The following RAB30 variants were observed in gnomAD, a reference collection of about 807,000 sequenced individuals.
RAB30 encodes the protein RAB30, member RAS oncogene family.
A neutral mutation model predicts 25.1 loss-of-function variants in RAB30; 9 were observed. The observed-to-expected ratio is 0.36, with a 90% CI of 0.22 to 0.63. The LOEUF is 0.63. Ranked by LOEUF, RAB30 falls within the 20% of genes least tolerant of loss-of-function variation. RAB30 has a pLI of 0.69. For synonymous variants in RAB30, 77 were observed against 86.4 expected, an observed-to-expected ratio of 0.89 and a Z score of 0.60; for missense variants, 140 against 243.5, an observed-to-expected ratio of 0.58 and a Z score of 2.83.
chr11:83,058,651 A>G (rs1429487784), intron 1 of RAB30, among the ~76,000 whole-genome samples: 1 of 152,242 alleles, frequency 6.6e-6, no homozygotes, highest in African/African-American at 2.4e-5. Context: ...TTGATCACTT[A>G]AAGTGGTGTC....
intron 1 of RAB30, chr11:83,035,349 A>G (rs1857964850): frequency 6.6e-6 from 1 of 152,066 alleles, no homozygotes; most frequent in African/African-American, 2.4e-5. Context: ...CCTCCCAGCA[A>G]TCTTCAGTGG....
At chr11:83,028,010 T>C (rs758981341) in intron 1 of RAB30, among the ~76,000 whole-genome samples, 12 of 152,184 alleles carry the variant, frequency 7.9e-5, no homozygotes, top group Admixed American at 3.3e-4. Context: ...GATCACATTT[T>C]AGAGTGACAT....
At chr11:83,020,838 G>C (rs1049948695) in intron 1 of RAB30, among the ~76,000 whole-genome samples, 2 of 152,016 alleles carry the variant, frequency 1.3e-5, no homozygotes, top group East Asian at 1.9e-4. Flanking sequence ...TTGTAGAGTG[G>C]AGCCACTCAC....
At chr11:83,024,171 C>T (rs571916567) in intron 1 of RAB30, among the ~76,000 whole-genome samples, 6 of 152,278 alleles carry the variant, frequency 3.9e-5, no homozygotes, top group East Asian at 1.9e-4. Flanking sequence ...GAAAGGTTAG[C>T]GTTAAGTTTA....
chr11:83,065,482 A>T lies in RAB30; in HGVS notation c.-9+6209T>A, dbSNP rs570531338. 5.3e-5 allele frequency among the ~76,000 whole-genome samples: 8 copies of T among 152,256 alleles called. No individual in the cohort carries two copies. The East Asian group carries it at 1.4e-3, about 26-fold the overall frequency. ...CCCTATGTTGCCCAGGGTGGTCTTGAACTCCTGGGCTCAAGTAATCTTCCT... is the reference window on the plus strand; with the variant it reads ...CCCTATGTTGCCCAGGGTGGTCTTGTACTCCTGGGCTCAAGTAATCTTCCT... On this transcript the variant is annotated intron_variant, in intron 1 of 4. Transcript: ENST00000527633.
At chr11:83,064,814 C>T (rs576058842) in intron 1 of RAB30, among the ~76,000 whole-genome samples, 4 of 152,306 alleles carry the variant, frequency 2.6e-5, no homozygotes, top group African/African-American at 9.6e-5. Context: ...AGAAAACTAA[C>T]ATTGTTACTG....
intron 1 of RAB30, among the ~76,000 whole-genome samples, chr11:82,998,292 C>T (rs17144484): frequency 0.035 from 5,385 of 152,120 alleles, 339 homozygotes; most frequent in African/African-American, 0.12. Context: ...TCTCCAACTG[C>T]GCTAGAAAGA....
intron 1 of RAB30, among the ~76,000 whole-genome samples, chr11:83,021,232 G>A (rs1297004019): frequency 6.6e-6 from 1 of 152,248 alleles, no homozygotes; most frequent in Non-Finnish European, 1.5e-5. Flanking sequence ...GAGACTCACT[G>A]AATGGTGAGG....
At chr11:82,992,180 C>T in intron 3 of RAB30, 1 of 377,944 alleles carries the variant, frequency 2.6e-6, no homozygotes, top group South Asian at 2.0e-5. Context: ...CAGAAAGCTA[C>T]AAAAGGCTCC....
chr11:83,025,042 T>C (rs994524015), intron 1 of RAB30, among the ~76,000 whole-genome samples: 1 of 152,230 alleles, frequency 6.6e-6, no homozygotes, highest in African/African-American at 2.4e-5. Flanking sequence ...TCTTTTCCCC[T>C]GGAGGAAGAT....
intron 1 of RAB30, among the ~76,000 whole-genome samples, chr11:83,067,007 T>C (rs1284864974): frequency 6.6e-6 from 1 of 152,194 alleles, no homozygotes; most frequent in East Asian, 1.9e-4. Context: ...TTAGAGTCCC[T>C]AATTTGTGTG....
intron 1 of RAB30, among the ~76,000 whole-genome samples, chr11:83,035,864 T>A (rs943490218): frequency 6.6e-6 from 1 of 152,116 alleles, no homozygotes; most frequent in Non-Finnish European, 1.5e-5. Flanking sequence ...GTCACAGGCA[T>A]CTTATGGATC....
intron 1 of RAB30, among the ~76,000 whole-genome samples, chr11:83,023,876 G>A (rs1857645019): frequency 6.6e-6 from 1 of 152,084 alleles, no homozygotes; most frequent in African/African-American, 2.4e-5. Flanking sequence ...CTCTCCTTCT[G>A]AAAGCTTTCT....
intron 1 of RAB30, among the ~76,000 whole-genome samples, chr11:83,059,919 G>A (rs897450006): frequency 1.5e-4 from 23 of 152,076 alleles, no homozygotes; most frequent in African/African-American, 5.1e-4. Flanking sequence ...AGCGGGGGCG[G>A]GGTGGTTGGG....
chr11:83,021,068 T>C (rs1376330846), intron 1 of RAB30, among the ~76,000 whole-genome samples: 2 of 152,178 alleles, frequency 1.3e-5, no homozygotes, highest in African/African-American at 4.8e-5. Context: ...CGCTAGGAGT[T>C]AAACACTCAT....
chr11:83,043,964 G>A (rs1237147500), intron 1 of RAB30, among the ~76,000 whole-genome samples: 2 of 152,132 alleles, frequency 1.3e-5, no homozygotes, highest in Non-Finnish European at 2.9e-5. Context: ...ATAGTTAAAT[G>A]AAAGACTCAT....
At chr11:83,020,438 C>T (rs986873458) in intron 1 of RAB30, among the ~76,000 whole-genome samples, 3 of 152,246 alleles carry the variant, frequency 2.0e-5, no homozygotes, top group Non-Finnish European at 4.4e-5. Flanking sequence ...GGGAAAAAGC[C>T]AAGGTGGGGG....
chr11:82,975,070 A>G lies in RAB30; in HGVS notation c.*7095T>C, dbSNP rs1856520950. 1 of 151,764 alleles carries G rather than the reference A, an allele frequency of 6.6e-6. No individual in the cohort carries two copies. Among genetic ancestry groups the G allele is most frequent in the Non-Finnish European group, 1.5e-5 (1 of 67,924 alleles). The allele number at this position is 151,764 out of a possible 1,614,324, so 9.4% of individuals were successfully genotyped here. On this transcript the variant is annotated 3_prime_UTR_variant, in exon 5 of 5. Coordinates refer to ENST00000527633, the MANE Select transcript of RAB30 (RefSeq NM_001286060.2). ...ATCTGGTATGTCTGGAAGACACTTC[A>G]GTGAGTAGAAATTAGAAGCCAGCAT...
At chr11:83,061,753 G>A (rs181726441) in intron 1 of RAB30, among the ~76,000 whole-genome samples, 44 of 112,322 alleles carry the variant, frequency 3.9e-4, no homozygotes, top group African/African-American at 8.8e-4. Context: ...GTCTTACAAC[G>A]TTGCCCAGGC....
Sources: gnomAD v4.1 joint callset for allele counts (sites outside exome capture counted in the v4.1 genomes callset) on GRCh38, gnomAD v4.1.1 for gene constraint, MANE v1.5 for transcripts, NCBI Gene and HGNC (gene_info 2026-07-23, HGNC 2026-07-21) for gene names.